The following ZZEF1 variants were observed in gnomAD, a reference collection of about 807,000 sequenced individuals.
ZZEF1 encodes zinc finger ZZ-type and EF-hand domain containing 1, also known as zinc finger ZZ-type and EF-hand domain-containing protein 1.
ZZEF1 carries 157 observed loss-of-function variants against 342.8 expected under a neutral mutation model. That is an observed-to-expected ratio of 0.46 (90% CI 0.40 to 0.52). ZZEF1 has a LOEUF of 0.52. ZZEF1 is among the 20% of genes least tolerant of loss of function. The pLI, the probability that ZZEF1 is intolerant of heterozygous loss-of-function variation, is 0.00. For synonymous variants in ZZEF1, 1,505 were observed against 1,429.1 expected (o/e 1.05, Z -1.20); for missense variants, 3,480 against 3,725.6 (o/e 0.93, Z 1.72).
At chr17:4,085,284 T>C (rs1431568550) in intron 16 of ZZEF1, among the ~76,000 whole-genome samples, 1 of 152,162 alleles carries the variant, frequency 6.6e-6, no homozygotes, top group East Asian at 1.9e-4. Context: ...TTTATGACTG[T>C]TGAAGCTAGG....
At chr17:4,036,314 A>G (rs2056662050) in intron 39 of ZZEF1, among the ~76,000 whole-genome samples, 1 of 152,122 alleles carries the variant, frequency 6.6e-6, no homozygotes, top group Non-Finnish European at 1.5e-5. Flanking sequence ...TGCATTTAAA[A>G]ATGTTTACCA....
chr17:4,074,131 C>T lies in ZZEF1; in HGVS notation c.3685+19G>A, dbSNP rs749923828. The T allele has an allele frequency of 2.3e-5, 37 of 1,612,730 alleles. No individual in the cohort carries two copies. The highest frequency in any genetic ancestry group is 3.1e-5 in the Non-Finnish European group (37 of 1,179,620). ...TCACCGTGGTTGTAAGAAGGGAAAG[C>T]ACAGGGATGTGCACTTACGGCGCAC... is the stretch of plus-strand genomic sequence containing the variant. On this transcript the variant is annotated intron_variant, in intron 24 of 54. Transcript: ENST00000381638.
chr17:4,136,375 T>C (rs2058749805), intron 1 of ZZEF1, among the ~76,000 whole-genome samples: 1 of 149,404 alleles, frequency 6.7e-6, no homozygotes, highest in South Asian at 2.1e-4. Flanking sequence ...TTACAGAGGC[T>C]AGAATAAACA....
At chr17:4,043,644 T>C (rs1440882910) in intron 38 of ZZEF1, among the ~76,000 whole-genome samples, 1 of 152,124 alleles carries the variant, frequency 6.6e-6, no homozygotes, top group African/African-American at 2.4e-5. Context: ...TCCTTTATCA[T>C]CCTCTAGTGT....
At chr17:4,040,540 G>C (rs1012147935) in intron 39 of ZZEF1, among the ~76,000 whole-genome samples, 1 of 152,160 alleles carries the variant, frequency 6.6e-6, no homozygotes, top group Non-Finnish European at 1.5e-5. Context: ...TTATTCGGAA[G>C]AGAAGGTAAA....
At chr17:4,031,093 T>A (rs983831417) in intron 42 of ZZEF1, among the ~76,000 whole-genome samples, 1 of 152,124 alleles carries the variant, frequency 6.6e-6, no homozygotes, top group African/African-American at 2.4e-5. Context: ...GGCAGGCAGA[T>A]CACCTGAGGT....
intron 39 of ZZEF1, among the ~76,000 whole-genome samples, chr17:4,038,927 G>C (rs1160042384): frequency 6.6e-6 from 1 of 152,162 alleles, no homozygotes; most frequent in Non-Finnish European, 1.5e-5. Flanking sequence ...TATGGTGACA[G>C]AGGTCTTTTT....
Position 4,081,487 on chromosome 17 carries a change from G to C in ZZEF1, c.2718C>G (p.Asp906Glu), listed in dbSNP as rs774909156. The C allele has an allele frequency of 6.2e-7, 1 of 1,611,746 alleles. No individual in the cohort carries two copies. Among genetic ancestry groups the C allele is most frequent in the Non-Finnish European group, 8.5e-7 (1 of 1,177,868 alleles). The change falls in exon 18 of 55, where the codon GAC (aspartate) becomes GAG (glutamate). Residue 906 changes from aspartate (D) to glutamate (E), a missense_variant. Asp to Glu is a conservative substitution (Grantham distance 45). Transcript: ENST00000381638. Reference protein sequence around the residue: ...TFRSLCTYFSDKDPGGLLLLP... With the variant: ...TFRSLCTYFSEKDPGGLLLLP... ...AAAGAAGAAGGCCGCCTGGATCCTT[G>C]TCACTGAAAGGATACAAATTAGTCA... is the stretch of plus-strand genomic sequence containing the variant.
intron 18 of ZZEF1, 148 bp downstream of exon 18, chr17:4,081,228 C>T: frequency 1.5e-6 from 1 of 684,570 alleles, no homozygotes; most frequent in Non-Finnish European, 2.5e-6. Context: ...CAGAGCAAGA[C>T]CCTATCTCAA....
intron 39 of ZZEF1, among the ~76,000 whole-genome samples, chr17:4,041,069 G>A (rs1485956758): frequency 6.6e-6 from 1 of 152,192 alleles, no homozygotes; most frequent in East Asian, 1.9e-4. Context: ...CAAAGGTTGG[G>A]GAGGGCAGGC....
chr17:4,115,463 G>C (rs1202021326), intron 3 of ZZEF1, among the ~76,000 whole-genome samples: 1 of 152,142 alleles, frequency 6.6e-6, no homozygotes, highest in Admixed American at 6.5e-5. Flanking sequence ...AGGAGGTCGA[G>C]ACCAGCCTGG....
chr17:4,104,765 G>A lies in ZZEF1; in HGVS notation c.1441C>T (p.Leu481Phe). 6 of 1,614,132 alleles carry A rather than the reference G, an allele frequency of 3.7e-6. No homozygotes were observed. The highest frequency in any genetic ancestry group is 5.1e-6 in the Non-Finnish European group (6 of 1,180,008). The change falls in exon 8 of 55, where the codon CTC becomes TTC. Residue 481 changes from leucine (L) to phenylalanine (F), a missense_variant. By Grantham distance (22) the Leu-to-Phe change is conservative. This residue lies in a region of ZZEF1 where 1,528 missense variants were observed against 1,624.1 expected (regional missense o/e 0.94). Coordinates refer to ENST00000381638, the MANE Select transcript of ZZEF1 (RefSeq NM_015113.4). ...EVELTLLAFA[L>F]ARGSVAKVMS... ...ACTTTGGCAACACTTCCTCTTGCGA[G>A]AGCAAAAGCCAGAAGAGTCAGTTCT...
chr17:4,085,720 T>C lies in ZZEF1; in HGVS notation c.2596A>G (p.Ile866Val), dbSNP rs748289844. The change falls in exon 16 of 55, where the codon ATC becomes GTC. Residue 866 changes from isoleucine to valine, a missense_variant. By Grantham distance (29) the Ile-to-Val change is conservative. Around this residue, in one of 5 missense-constraint regions of ZZEF1, gnomAD observed 1,528 missense variants for 1,624.1 expected, o/e 0.94. Transcript: ENST00000381638. ...VRNTLLNGAA[I>V]FFPNRQTRRN... ...CGGGTCTGTCGATTAGGAAAGAAGA[T>C]GGCAGCCCCATTGAGAAGGGTATTC... The C allele has an allele frequency of 3.1e-6, 5 of 1,614,078 alleles. No individual in the cohort carries two copies. The highest frequency in any genetic ancestry group is 2.7e-5 in the African/African-American group (2 of 74,936).
intron 18 of ZZEF1, among the ~76,000 whole-genome samples, chr17:4,080,750 CTG>C (rs112548916): frequency 0.062 from 9,489 of 152,118 alleles, 412 homozygotes; most frequent in South Asian, 0.12. Flanking sequence ...TAACACATAT[CTG>C]TGTGTTGGGC....
intron 11 of ZZEF1, among the ~76,000 whole-genome samples, chr17:4,095,380 A>G (rs1467169943): frequency 6.6e-6 from 1 of 152,156 alleles, no homozygotes; most frequent in African/African-American, 2.4e-5. Context: ...CTGTCTTCTG[A>G]GCTAAACAGT....
chr17:4,101,378 C>T lies in ZZEF1; in HGVS notation c.1672+939G>A, dbSNP rs368290755. On this transcript the variant is annotated intron_variant, in intron 9 of 54. Transcript: ENST00000381638. ...AATGTCTGATCACTGCTGGAACATT[C>T]CACTTCCTCTAGTGAATCAGCAAGA... Among the ~76,000 whole-genome samples, 389 of 152,142 alleles carry T rather than the reference C, an allele frequency of 2.6e-3. 3 individuals are homozygous for T. Among genetic ancestry groups the T allele is most frequent in the African/African-American group, 8.9e-3 (371 of 41,504 alleles).
Position 4,016,522 on chromosome 17 carries a change from G to C in ZZEF1, c.8002-56C>G, listed in dbSNP as rs1375884296. The C allele has an allele frequency of 1.9e-6, 3 of 1,556,550 alleles. No individual in the cohort carries two copies. In the African/African-American group the frequency reaches 4.1e-5, roughly 21 times the overall value. Reference sequence around the variant, plus strand: ...CCTGCAAGTGGCATCAGGAAGAAGGGACAGTTTACTTCAACCCAAGCTCCA... The same window carrying C: ...CCTGCAAGTGGCATCAGGAAGAAGGCACAGTTTACTTCAACCCAAGCTCCA... On this transcript the variant is annotated intron_variant, in intron 48 of 54. Coordinates refer to ENST00000381638, the MANE Select transcript of ZZEF1 (RefSeq NM_015113.4). The surrounding 1 kb of genome is among the most constrained non-coding windows in gnomAD (Gnocchi z 4.4).
intron 43 of ZZEF1, among the ~76,000 whole-genome samples, chr17:4,023,374 A>C (rs1178832596): frequency 6.6e-6 from 1 of 152,148 alleles, no homozygotes; most frequent in Non-Finnish European, 1.5e-5. Flanking sequence ...CTACATACTC[A>C]GTTCCATCTG....
intron 30 of ZZEF1, among the ~76,000 whole-genome samples, chr17:4,061,099 T>C (rs1165682443): frequency 1.3e-5 from 2 of 152,252 alleles, no homozygotes. Context: ...ATCACCCTCA[T>C]TCTCGCTGGC....
Sources: allele counts gnomAD v4.1 joint callset (sites outside exome capture counted in the v4.1 genomes callset), GRCh38; gene constraint gnomAD v4.1.1; regional missense constraint gnomAD v4.1.1; non-coding constraint Gnocchi (gnomAD v3.1); transcripts MANE v1.5; gene names NCBI Gene and HGNC (gene_info 2026-07-23, HGNC 2026-07-21).